USP8: variants seen among roughly 807,000 people sequenced by gnomAD.
USP8 encodes ubiquitin specific peptidase 8, also known as ubiquitin carboxyl-terminal hydrolase 8.
Under a neutral mutation model 130.0 loss-of-function variants are expected in USP8, and 27 were observed. That is an observed-to-expected ratio of 0.21 (90% CI 0.15 to 0.29). The LOEUF (loss-of-function observed/expected upper bound fraction) is 0.29, where lower values mean the gene tolerates loss of function less well. Ranked by LOEUF, USP8 falls within the 10% of genes least tolerant of loss-of-function variation. The pLI, the probability that USP8 is intolerant of heterozygous loss-of-function variation, is 1.00. For missense variants in USP8, 1,029 were observed against 1,312.2 expected (o/e 0.78, Z 3.33); for synonymous variants, 392 against 444.1 (o/e 0.88, Z 1.48).
chr15:50,443,425 C>A (rs2050323033), intron 3 of USP8, among the ~76,000 whole-genome samples: 1 of 152,040 alleles, frequency 6.6e-6, no homozygotes, highest in Non-Finnish European at 1.5e-5. Context: ...GGTGATAAAT[C>A]ATTGCTGGTA....
rs1334821950 is a variant in USP8, at chr15:50,504,603, G to A, written c.*5515G>A. 6.6e-6 allele frequency: 1 copy of A among 152,100 alleles called. No individual in the cohort carries two copies. Among genetic ancestry groups the A allele is most frequent in the African/African-American group, 2.4e-5 (1 of 41,396 alleles). The allele number at this position is 152,100 out of a possible 1,614,324, so 9.4% of individuals were successfully genotyped here. On this transcript the variant is annotated 3_prime_UTR_variant, in exon 20 of 20. Coordinates refer to ENST00000307179, the MANE Select transcript of USP8 (RefSeq NM_005154.5). ...GCATCTGTGGATTTTGATAGTCAAA[G>A]GGATCCTGGAACCAACTCCCTGCAG... is the stretch of plus-strand genomic sequence containing the variant.
chr15:50,434,223 C>T (rs979393403), intron 1 of USP8, among the ~76,000 whole-genome samples: 1 of 151,968 alleles, frequency 6.6e-6, no homozygotes, highest in East Asian at 1.9e-4. Flanking sequence ...CTGCCTCAGC[C>T]TCCTGAATAG....
Position 50,424,575 on chromosome 15 carries a change from G to T in USP8, c.-66+61G>T, listed in dbSNP as rs146808767. On this transcript the variant is annotated intron_variant, in intron 1 of 19. Coordinates refer to ENST00000307179, the MANE Select transcript of USP8 (RefSeq NM_005154.5). Reference sequence around the variant, plus strand: ...TGGGAAGTCGTCCGCTGTGAACGATGAACGCCTTTCCTTCCACCAGCTGCT... The same window carrying T: ...TGGGAAGTCGTCCGCTGTGAACGATTAACGCCTTTCCTTCCACCAGCTGCT... 6.1e-4 allele frequency: 244 copies of T among 398,360 alleles called. 1 individual carries two copies. Among genetic ancestry groups the T allele is most frequent in the African/African-American group, 4.6e-3 (225 of 48,740 alleles). The allele number at this position is 398,360 out of a possible 1,614,324, so 24.7% of individuals were successfully genotyped here. A position where few individuals can be genotyped will look rare whatever the true frequency, so the allele number is the denominator to read the frequency against.
rs1566900231 is a variant in USP8 at position 50,503,880 on chromosome 15, G to C, written c.*4792G>C. ...AACAATTTATCATAAGAGTCAGAAGGCAATAAGATTTAAACCCCCAAGGAC... is the reference window on the plus strand; with the variant it reads ...AACAATTTATCATAAGAGTCAGAAGCCAATAAGATTTAAACCCCCAAGGAC... On this transcript the variant is annotated 3_prime_UTR_variant, in exon 20 of 20. Transcript: ENST00000307179. 1 of 152,040 alleles carries C rather than the reference G, an allele frequency of 6.6e-6. No individual in the cohort carries two copies. Among genetic ancestry groups the C allele is most frequent in the Non-Finnish European group, 1.5e-5 (1 of 68,028 alleles). 9.4% of individuals were successfully genotyped at this position (152,040 alleles called of 1,614,324 possible). A position where few individuals can be genotyped will look rare whatever the true frequency, so the allele number is the denominator to read the frequency against.
intron 10 of USP8, 55 bp from the exon 11 acceptor site, chr15:50,481,424 CTG>C: frequency 6.3e-6 from 8 of 1,274,458 alleles, no homozygotes; most frequent in Non-Finnish European, 8.4e-6. Flanking sequence ...ATCTCAAGAA[CTG>C]AGGTTATTTC....
rs369268284 is a variant in USP8, at chr15:50,458,809, A to G, written c.336-191A>G. Reference sequence around the variant, plus strand: ...ACTTGAGAACATACAGTTTCTTTTTAATAGTTCTGGGCAATTTGAAGTAAA... The same window carrying G: ...ACTTGAGAACATACAGTTTCTTTTTGATAGTTCTGGGCAATTTGAAGTAAA... On this transcript the variant is annotated intron_variant, in intron 4 of 19. Transcript: ENST00000307179. Among the ~76,000 whole-genome samples, 43 of 152,282 alleles carry G rather than the reference A, an allele frequency of 2.8e-4. No individual in the cohort carries two copies. The East Asian group carries it at 6.0e-3, about 21-fold the overall frequency.
intron 5 of USP8, among the ~76,000 whole-genome samples, chr15:50,461,768 G>T (rs2051015486): frequency 6.6e-6 from 1 of 151,790 alleles, no homozygotes; most frequent in Admixed American, 6.6e-5. Context: ...CAGGAGAATT[G>T]CTTGAACCTG....
At chr15:50,464,868 G>A (rs1444994949) in intron 6 of USP8, among the ~76,000 whole-genome samples, 179 bp from the exon 7 acceptor site, 1 of 152,086 alleles carries the variant, frequency 6.6e-6, no homozygotes, top group Non-Finnish European at 1.5e-5. Flanking sequence ...AAAAAAACAA[G>A]TTGTATTTAA....
intron 10 of USP8, among the ~76,000 whole-genome samples, chr15:50,480,382 C>CTT (rs1418629313): frequency 2.0e-5 from 3 of 152,148 alleles, no homozygotes; most frequent in African/African-American, 7.2e-5. Context: ...CAGGCACAGT[C>CTT]TTTATCCTTT....
intron 14 of USP8, among the ~76,000 whole-genome samples, chr15:50,491,430 TATA>T (rs1470513490): frequency 2.0e-5 from 3 of 152,228 alleles, no homozygotes; most frequent in African/African-American, 7.2e-5. Flanking sequence ...TAGAGTTCAT[TATA>T]ATAACTAGTG....
Position 50,499,236 on chromosome 15 carries a change from G to A in USP8, c.*148G>A. On this transcript the variant is annotated 3_prime_UTR_variant, in exon 20 of 20. Coordinates refer to ENST00000307179, the MANE Select transcript of USP8 (RefSeq NM_005154.5). ...GTGTTACTAGCACTATATAATTCCG[G>A]TCAGTGCTGACAAATAACATTTAAC... The A allele has an allele frequency of 1.5e-6, 1 of 661,022 alleles. No homozygotes were observed. The highest frequency in any genetic ancestry group is 2.3e-6 in the Non-Finnish European group (1 of 433,494). The allele number at this position is 661,022 out of a possible 1,614,324, so 40.9% of individuals were successfully genotyped here.
chr15:50,451,794 T>C (rs564003694), intron 4 of USP8, among the ~76,000 whole-genome samples: 1 of 152,340 alleles, frequency 6.6e-6, no homozygotes, highest in South Asian at 2.1e-4. Flanking sequence ...TTTAAGTCTC[T>C]GAAATCTGCA....
At chr15:50,461,453 C>A (rs1351929440) in intron 5 of USP8, among the ~76,000 whole-genome samples, 4 of 72,196 alleles carry the variant, frequency 5.5e-5, no homozygotes, top group African/African-American at 1.5e-4. Flanking sequence ...GAGACCCTAT[C>A]TCCAAAAAAA....
At chr15:50,476,616 G>A (rs2051575443) in intron 8 of USP8, among the ~76,000 whole-genome samples, 1 of 152,066 alleles carries the variant, frequency 6.6e-6, no homozygotes, top group East Asian at 1.9e-4. Context: ...TTTATATTTA[G>A]TAATTTATTT....
chr15:50,505,087 A>G lies in USP8; in HGVS notation c.*5999A>G, dbSNP rs1468911134. On this transcript the variant is annotated 3_prime_UTR_variant, in exon 20 of 20. Transcript: ENST00000307179. ...TAAGAGGCATGAAAAATTGAATGAG[A>G]ATATTCAGCGTATGTCCTGTAGAAG... The G allele has an allele frequency of 1.3e-5, 2 of 152,152 alleles. No homozygotes were observed. Among genetic ancestry groups the G allele is most frequent in the Non-Finnish European group, 2.9e-5 (2 of 68,038 alleles). The allele number at this position is 152,152 out of a possible 1,614,324, so 9.4% of individuals were successfully genotyped here.
intron 14 of USP8, 48 bp from the exon 15 acceptor site, chr15:50,492,653 T>A (rs749713797): frequency 5.7e-6 from 9 of 1,588,328 alleles, no homozygotes; most frequent in Non-Finnish European, 6.0e-6. Flanking sequence ...AACCTTAATT[T>A]CATATGCTCA....
intron 7 of USP8, 117 bp from the exon 8 acceptor site, chr15:50,471,516 C>G (rs2051375291): frequency 9.5e-7 from 1 of 1,050,600 alleles, no homozygotes; most frequent in Non-Finnish European, 1.4e-6. Flanking sequence ...AGAAAGGAAT[C>G]TACTTAAAAT....
At chr15:50,452,288 C>G (rs1270144512) in intron 4 of USP8, among the ~76,000 whole-genome samples, 1 of 152,126 alleles carries the variant, frequency 6.6e-6, no homozygotes, top group African/African-American at 2.4e-5. Context: ...TTGACCAAAT[C>G]TGGAAGTATC....
chr15:50,485,200 C>T (rs913264736), intron 12 of USP8, among the ~76,000 whole-genome samples: 3 of 152,046 alleles, frequency 2.0e-5, no homozygotes, highest in South Asian at 2.1e-4. Flanking sequence ...CGGTGGCTCA[C>T]GCTTGTAATC....
Sources: gnomAD v4.1 joint callset for allele counts (sites outside exome capture counted in the v4.1 genomes callset) on GRCh38, gnomAD v4.1.1 for gene constraint, MANE v1.5 for transcripts, NCBI Gene and HGNC (gene_info 2026-07-23, HGNC 2026-07-21) for gene names.